EXOC3L2: variants seen among roughly 807,000 people sequenced by gnomAD.
EXOC3L2 encodes the protein exocyst complex component 3-like protein 2.
Under a neutral mutation model 44.4 loss-of-function variants are expected in EXOC3L2, and 17 were observed. The ratio of observed to expected loss-of-function variants is 0.38; its 90% CI spans 0.26 to 0.57. The LOEUF is 0.57. Ranked by LOEUF, EXOC3L2 falls within the 20% of genes least tolerant of loss-of-function variation. The pLI is 0.65. For synonymous variants in EXOC3L2, 256 were observed against 253.7 expected, an observed-to-expected ratio of 1.01 and a Z score of -0.09; for missense variants, 541 against 588.4, an observed-to-expected ratio of 0.92 and a Z score of 0.83.
chr19:45,240,565 T>C (rs1970123078), intron 1 of EXOC3L2, among the ~76,000 whole-genome samples: 1 of 152,102 alleles, frequency 6.6e-6, no homozygotes, highest in Admixed American at 6.6e-5. Context: ...TGTACAACAC[T>C]GTGAATGCAT....
chr19:45,212,869 G>C lies in EXOC3L2; in HGVS notation c.*200C>G. The stretch of plus-strand genomic sequence containing the variant: ...CCGGCCTCAGCCTCCCAAAGTGTTG[G>C]GATTACAGGCATGAGCCACCGTGCC... On this transcript the variant is annotated 3_prime_UTR_variant, in exon 12 of 12. Coordinates refer to ENST00000413988, the MANE Select transcript of EXOC3L2 (RefSeq NM_001382422.1). 1.8e-6 allele frequency: 1 copy of C among 553,692 alleles called. No homozygotes were observed. The highest frequency in any genetic ancestry group is 2.9e-6 in the Non-Finnish European group (1 of 341,860). The allele number at this position is 553,692 out of a possible 1,614,324, so 34.3% of individuals were successfully genotyped here. A position where few individuals can be genotyped will look rare whatever the true frequency, so the allele number is the denominator to read the frequency against.
intron 2 of EXOC3L2, among the ~76,000 whole-genome samples, chr19:45,236,457 C>T (rs1289258078): frequency 8.2e-6 from 1 of 121,464 alleles, no homozygotes; most frequent in Non-Finnish European, 1.7e-5. Flanking sequence ...CAGAGCTAGA[C>T]TCCATCTCAA....
At chr19:45,235,380 G>A (rs768368506) in intron 2 of EXOC3L2, among the ~76,000 whole-genome samples, 1 of 152,072 alleles carries the variant, frequency 6.6e-6, no homozygotes, top group South Asian at 2.1e-4. Context: ...GTTGCAGGGC[G>A]GAAAAATGGA....
intron 11 of EXOC3L2, among the ~76,000 whole-genome samples, chr19:45,215,541 A>C (rs895592100): frequency 1.2e-4 from 18 of 152,154 alleles, no homozygotes; most frequent in Non-Finnish European, 2.9e-5. Context: ...ATTGAGTGAG[A>C]ACTGGAATTG....
intron 1 of EXOC3L2, among the ~76,000 whole-genome samples, chr19:45,244,389 A>T (rs924802211): frequency 6.6e-6 from 1 of 151,634 alleles, no homozygotes; most frequent in African/African-American, 2.4e-5. Context: ...ACTTTCCCCC[A>T]CCTGGCTTCA....
intron 3 of EXOC3L2, among the ~76,000 whole-genome samples, chr19:45,232,799 C>T (rs367589758): frequency 1.1e-4 from 16 of 152,102 alleles, no homozygotes; most frequent in Admixed American, 7.2e-4. Context: ...AAAACTGGCC[C>T]GGGCATGGTG....
Position 45,218,263 on chromosome 19 carries a change from A to T in EXOC3L2, c.1776T>A (p.Asp592Glu). Residue 592 changes from aspartate to glutamate, a missense_variant, in exon 9 of 12, where the codon GAT (aspartate) becomes GAA (glutamate). Transcript: ENST00000413988. ...RKWLSSPEAL[D>E]GIVGTLGAQA... ...GGGCACCCAGCGTGCCCACGATGCC[A>T]TCCAGGGCCTCCGGGCTGCTCAGCC... 2 of 1,599,488 alleles carry T rather than the reference A, an allele frequency of 1.3e-6. No homozygotes were observed. Among genetic ancestry groups the T allele is most frequent in the Non-Finnish European group, 1.7e-6 (2 of 1,175,146 alleles).
At position 45,234,963 on chromosome 19, in the gene EXOC3L2, G is replaced by T. The variant is rs1174899895; in HGVS notation, c.524-137C>A. ...GGAGGCGGGAAAGTGTGGGGGCAGA[G>T]AAGAGCCCGGAGAAGAGCAAGAAAG... is the stretch of plus-strand genomic sequence containing the variant. On this transcript the variant is annotated intron_variant, in intron 2 of 11. Transcript: ENST00000413988. The surrounding 1 kb of genome is among the most constrained non-coding windows in gnomAD (Gnocchi z 5.0). 8 of 378,548 alleles carry T rather than the reference G, an allele frequency of 2.1e-5. 1 individual carries two copies. Among genetic ancestry groups the T allele is most frequent in the East Asian group, 1.9e-4 (5 of 26,462 alleles). The allele number at this position is 378,548 out of a possible 1,614,324, so 23.4% of individuals were successfully genotyped here.
intron 1 of EXOC3L2, 33 bp from the exon 2 acceptor site, chr19:45,239,094 T>C: frequency 2.5e-6 from 1 of 398,192 alleles, no homozygotes; most frequent in Non-Finnish European, 4.4e-6. Flanking sequence ...TGGGCGATGC[T>C]GATGACAATG....
At chr19:45,225,630 T>G (rs987438821) in intron 7 of EXOC3L2, among the ~76,000 whole-genome samples, 8 of 148,108 alleles carry the variant, frequency 5.4e-5, no homozygotes. Context: ...CTTTTTTTTT[T>G]TTTTTTTTTG....
intron 1 of EXOC3L2, among the ~76,000 whole-genome samples, chr19:45,244,289 C>G (rs939843928): frequency 2.6e-5 from 4 of 152,018 alleles, no homozygotes; most frequent in Admixed American, 1.3e-4. Context: ...ATCATCCCCC[C>G]TCCACCCCAT....
rs961037954 is a variant in EXOC3L2, at chr19:45,216,162, C to T, written c.2031G>A (p.Val677=). 4.3e-6 allele frequency: 7 copies of T among 1,613,776 alleles called. No individual in the cohort carries two copies. The Admixed American group carries it at 6.7e-5, about 15-fold the overall frequency. ...ESQASWLDAV[V]PHLAEVMQLE... ...GCTGCATGACTTCAGCCAAATGGGG[C>T]ACCACGGCATCCAGCCACGAGGCCT... Residue 677 remains valine (V), a synonymous_variant, in exon 11 of 12, where the codon GTG becomes GTA. Coordinates refer to ENST00000413988, the MANE Select transcript of EXOC3L2 (RefSeq NM_001382422.1).
chr19:45,222,481 A>G (rs346758), intron 8 of EXOC3L2, among the ~76,000 whole-genome samples: 36,607 of 151,932 alleles, frequency 0.24, 7,927 homozygotes, highest in African/African-American at 0.58. Flanking sequence ...GATTACAGGC[A>G]TGAGCCACCA....
chr19:45,213,793 T>TAA (rs376637056), intron 11 of EXOC3L2, among the ~76,000 whole-genome samples: 4 of 134,694 alleles, frequency 3.0e-5, no homozygotes, highest in African/African-American at 2.7e-5. Context: ...AAAAATACAT[T>TAA]AAAAAAAAAA....
chr19:45,242,248 C>T (rs137863968), intron 1 of EXOC3L2, among the ~76,000 whole-genome samples: 254 of 152,232 alleles, frequency 1.7e-3, no homozygotes, highest in African/African-American at 5.9e-3. Flanking sequence ...CATTTGCTCT[C>T]TTAGTTCAGG....
At chr19:45,213,388 A>T in intron 11 of EXOC3L2, 31 bp from the exon 12 acceptor site, 6 of 1,608,704 alleles carry the variant, frequency 3.7e-6, no homozygotes, top group Non-Finnish European at 5.1e-6. Context: ...AGGTGCATGC[A>T]GATCCCCAGC....
At position 45,234,651 on chromosome 19, in the gene EXOC3L2, G is replaced by A. The variant is rs1211082348; in HGVS notation, c.699C>T (p.Ala233=). The change falls in exon 3 of 12, where the codon GCC becomes GCT. Residue 233 remains alanine (A), a synonymous_variant. Transcript: ENST00000413988. This position sits in a 1 kb window ranked among gnomAD's most constrained non-coding sequence, Gnocchi z 5.0. ...CCAGCGCCCACAGCTCGCGCTGCAGGGCCTCGTACAGCAGCGCCACGTCCC... is the reference window on the plus strand; with the variant it reads ...CCAGCGCCCACAGCTCGCGCTGCAGAGCCTCGTACAGCAGCGCCACGTCCC... ...RARDVALLYE[A]LQRELWALVR... The A allele has an allele frequency of 8.2e-6, 3 of 365,648 alleles. No homozygotes were observed. The highest frequency in any genetic ancestry group is 1.5e-5 in the Non-Finnish European group (3 of 204,958). The allele number at this position is 365,648 out of a possible 1,614,324, so 22.7% of individuals were successfully genotyped here. A position where few individuals can be genotyped will look rare whatever the true frequency, so the allele number is the denominator to read the frequency against.
intron 4 of EXOC3L2, 81 bp downstream of exon 4, chr19:45,231,682 G>T: frequency 8.3e-7 from 1 of 1,203,928 alleles, no homozygotes; most frequent in Non-Finnish European, 1.2e-6. Flanking sequence ...GTGAAAGGTG[G>T]AGGGGACAGG....
chr19:45,240,797 G>A (rs993746958), intron 1 of EXOC3L2, among the ~76,000 whole-genome samples: 18 of 152,080 alleles, frequency 1.2e-4, no homozygotes, highest in African/African-American at 3.1e-4. Context: ...CCAGCTACTC[G>A]GGAGGCTGAG....
Sources: allele counts gnomAD v4.1 joint callset (sites outside exome capture counted in the v4.1 genomes callset), GRCh38; gene constraint gnomAD v4.1.1; non-coding constraint Gnocchi (gnomAD v3.1); transcripts MANE v1.5; gene names NCBI Gene and HGNC (gene_info 2026-07-23, HGNC 2026-07-21).